ASCC3: variants seen among roughly 807,000 people sequenced by gnomAD.
The protein encoded by ASCC3 is ASC-1 complex subunit P200.
A neutral mutation model predicts 256.3 loss-of-function variants in ASCC3; 158 were observed. The ratio of observed to expected loss-of-function variants is 0.62; its 90% CI spans 0.54 to 0.70. ASCC3 has a LOEUF of 0.70. Among genes scored for constraint, ASCC3 ranks in the 30% least tolerant of loss-of-function variants. ASCC3 has a pLI of 0.00. For missense variants in ASCC3, 2,259 were observed against 2,626.0 expected (o/e 0.86, Z 3.05); for synonymous variants, 948 against 883.4 (o/e 1.07, Z -1.30).
At chr6:100,568,569 C>T (rs1770396158) in intron 36 of ASCC3, among the ~76,000 whole-genome samples, 1 of 151,602 alleles carries the variant, frequency 6.6e-6, no homozygotes, top group Non-Finnish European at 1.5e-5. Context: ...TCTTCAATTG[C>T]TTAAGATCCT....
chr6:100,607,204 A>T, intron 30 of ASCC3, 116 bp from the exon 31 acceptor site: 1 of 1,042,696 alleles, frequency 9.6e-7, no homozygotes, highest in Non-Finnish European at 1.4e-6. Flanking sequence ...GACATAAAAT[A>T]TAAGTCCTAT....
At chr6:100,597,623 A>G (rs1772364987) in intron 34 of ASCC3, among the ~76,000 whole-genome samples, 1 of 151,918 alleles carries the variant, frequency 6.6e-6, no homozygotes, top group Non-Finnish European at 1.5e-5. Context: ...ACGTATCTCA[A>G]CATATGTATT....
At chr6:100,671,775 T>A (rs1776759008) in intron 14 of ASCC3, among the ~76,000 whole-genome samples, 1 of 152,078 alleles carries the variant, frequency 6.6e-6, no homozygotes, top group Admixed American at 6.6e-5. Context: ...ATGTCAATGC[T>A]TTTAAAAATA....
chr6:100,716,722 T>C (rs1165115042), intron 12 of ASCC3, among the ~76,000 whole-genome samples: 2 of 151,978 alleles, frequency 1.3e-5, no homozygotes, highest in Admixed American at 1.3e-4. Context: ...CTCCCATTCC[T>C]TTCATGATTA....
At chr6:100,780,632 G>A (rs1035040446) in intron 8 of ASCC3, among the ~76,000 whole-genome samples, 8 of 151,978 alleles carry the variant, frequency 5.3e-5, no homozygotes, top group African/African-American at 1.2e-4. Context: ...TACATATTAA[G>A]GAGTCTTTAG....
intron 4 of ASCC3, among the ~76,000 whole-genome samples, chr6:100,809,605 A>G (rs1267764941): frequency 6.6e-6 from 1 of 152,114 alleles, no homozygotes; most frequent in Non-Finnish European, 1.5e-5. Flanking sequence ...ACCAATAGAC[A>G]TAAACCACAT....
chr6:100,823,853 T>TACACAGA (rs1441111207), intron 4 of ASCC3, among the ~76,000 whole-genome samples: 9 of 152,296 alleles, frequency 5.9e-5, no homozygotes, highest in African/African-American at 1.9e-4. Context: ...ATTTTCCACA[T>TACACAGA]ACACAGAATT....
At chr6:100,764,278 G>A (rs1582827792) in intron 10 of ASCC3, among the ~76,000 whole-genome samples, 1 of 152,232 alleles carries the variant, frequency 6.6e-6, no homozygotes, top group East Asian at 1.9e-4. Flanking sequence ...ACGGGATTCA[G>A]GGAAGAAGTA....
chr6:100,512,640 C>G, intron 40 of ASCC3, 69 bp downstream of exon 40: 1 of 1,460,088 alleles, frequency 6.8e-7, no homozygotes, highest in Admixed American at 1.7e-5. Context: ...AGTCACATAA[C>G]AGATATGTGT....
chr6:100,655,808 C>T lies in ASCC3; in HGVS notation c.2714G>A (p.Gly905Glu). The stretch of plus-strand genomic sequence containing the variant: ...TGCTTCTTCCACATTAGTAACTGTT[C>T]CCAGAGCAATCTGCAAATCAAAAAG... ...ADNLNAEIAL[G>E]TVTNVEEAVK... Residue 905 changes from glycine (G) to glutamate (E), a missense_variant, in exon 17 of 42, where the codon GGA becomes GAA. Physicochemically the swap from Gly to Glu is moderately conservative, Grantham distance 98. Coordinates refer to ENST00000369162, the MANE Select transcript of ASCC3 (RefSeq NM_006828.4). The T allele has an allele frequency of 6.2e-7, 1 of 1,610,960 alleles. No homozygotes were observed. The highest frequency in any genetic ancestry group is 8.5e-7 in the Non-Finnish European group (1 of 1,178,842).
intron 22 of ASCC3, 129 bp downstream of exon 22, chr6:100,646,486 A>ATTT (rs1775385842): frequency 1.9e-6 from 2 of 1,041,488 alleles, no homozygotes; most frequent in Non-Finnish European, 2.7e-6. Flanking sequence ...AATTGCTATA[A>ATTT]TTTTTAAAAT....
At chr6:100,686,290 AT>A (rs1777562005) in intron 13 of ASCC3, among the ~76,000 whole-genome samples, 1 of 152,150 alleles carries the variant, frequency 6.6e-6, no homozygotes, top group Non-Finnish European at 1.5e-5. Context: ...TACTGTATTA[AT>A]TTTTTGATAG....
At chr6:100,653,837 T>C (rs951230391) in intron 17 of ASCC3, among the ~76,000 whole-genome samples, 1 of 152,044 alleles carries the variant, frequency 6.6e-6, no homozygotes, top group East Asian at 1.9e-4. Context: ...TATAGTATTG[T>C]GTATAAATAT....
chr6:100,682,055 T>A (rs924462260), intron 13 of ASCC3, among the ~76,000 whole-genome samples: 1 of 152,158 alleles, frequency 6.6e-6, no homozygotes, highest in Non-Finnish European at 1.5e-5. Flanking sequence ...TATCATTCTA[T>A]CTCTTGCAAA....
chr6:100,871,252 C>T (rs1262875760), intron 1 of ASCC3, among the ~76,000 whole-genome samples: 8 of 152,028 alleles, frequency 5.3e-5, no homozygotes, highest in East Asian at 1.9e-4. Context: ...CGCACCACCA[C>T]GCCCGGCTAA....
intron 10 of ASCC3, among the ~76,000 whole-genome samples, chr6:100,761,402 C>T (rs1035888633): frequency 1.4e-4 from 21 of 152,252 alleles, no homozygotes; most frequent in South Asian, 8.3e-4. Context: ...AGGAGAGGAT[C>T]GCTTGAGCTC....
intron 37 of ASCC3, among the ~76,000 whole-genome samples, chr6:100,524,530 T>G (rs778086359): frequency 2.0e-5 from 3 of 152,118 alleles, no homozygotes; most frequent in Non-Finnish European, 4.4e-5. Flanking sequence ...ATCACTGACC[T>G]AGTCTACTAA....
At chr6:100,594,511 A>G (rs1257531717) in intron 34 of ASCC3, among the ~76,000 whole-genome samples, 1 of 152,182 alleles carries the variant, frequency 6.6e-6, no homozygotes, top group Non-Finnish European at 1.5e-5. Context: ...CACAGACAAT[A>G]ATAAAAAGAC....
At chr6:100,608,287 C>CTT (rs1562161888) in intron 30 of ASCC3, among the ~76,000 whole-genome samples, 1 of 48,156 alleles carries the variant, frequency 2.1e-5, no homozygotes, top group Non-Finnish European at 3.3e-5. Context: ...TTTATATATA[C>CTT]TTTATATATA....
Sources: allele counts gnomAD v4.1 joint callset (sites outside exome capture counted in the v4.1 genomes callset), GRCh38; gene constraint gnomAD v4.1.1; transcripts MANE v1.5; gene names NCBI Gene and HGNC (gene_info 2026-07-23, HGNC 2026-07-21).